The following GRIA4 variants were observed in gnomAD, a reference collection of about 807,000 sequenced individuals.
GRIA4 encodes the protein glutamate ionotropic receptor AMPA type subunit 4, also known as glutamate receptor 4.
A neutral mutation model predicts 104.0 loss-of-function variants in GRIA4; 34 were observed. The ratio of observed to expected loss-of-function variants is 0.33; its 90% confidence interval spans 0.25 to 0.44. The LOEUF is 0.44. Ranked by LOEUF, GRIA4 falls within the 20% of genes least tolerant of loss-of-function variation. The pLI, the probability that GRIA4 is intolerant of heterozygous loss-of-function variation, is 1.00. For synonymous variants in GRIA4, 386 were observed against 381.9 expected, an observed-to-expected ratio of 1.01 and a Z score of -0.13; for missense variants, 750 against 1,096.5, an observed-to-expected ratio of 0.68 and a Z score of 4.46.
At chr11:105,907,895 A>C (rs1947101435) in intron 9 of GRIA4, among the ~76,000 whole-genome samples, 2 of 152,146 alleles carry the variant, frequency 1.3e-5, no homozygotes, top group African/African-American at 4.8e-5. Context: ...TGCAGTAGAA[A>C]CCAAAATTCC....
At chr11:105,704,216 G>A (rs143660597) in intron 3 of GRIA4, among the ~76,000 whole-genome samples, 5 of 152,094 alleles carry the variant, frequency 3.3e-5, no homozygotes, top group African/African-American at 1.2e-4. Context: ...TTCAGTTGTG[G>A]GAAGTGCTAA....
Position 105,878,863 on chromosome 11 carries a change from G to C in GRIA4, c.673-8656G>C, listed in dbSNP as rs533610207. Among the ~76,000 whole-genome samples the C allele has an allele frequency of 8.5e-4, 129 of 152,294 alleles. 1 individual carries two copies. Among genetic ancestry groups the C allele is most frequent in the Admixed American group, 3.3e-3 (50 of 15,304 alleles). On this transcript the variant is annotated intron_variant, in intron 5 of 16. Transcript: ENST00000282499. ...GGGATCCACTGAGCTAGACAACTTGGCTCCCTGGCTTCAGCCCCCCTTTCC... is the reference window on the plus strand; with the variant it reads ...GGGATCCACTGAGCTAGACAACTTGCCTCCCTGGCTTCAGCCCCCCTTTCC...
chr11:105,929,379 G>C (rs1254057266), intron 13 of GRIA4, among the ~76,000 whole-genome samples: 1 of 152,072 alleles, frequency 6.6e-6, no homozygotes, highest in African/African-American at 2.4e-5. Flanking sequence ...AGCCACAGGG[G>C]AAAACTACAT....
chr11:105,733,996 T>C (rs1394278896), intron 3 of GRIA4, among the ~76,000 whole-genome samples: 4 of 147,402 alleles, frequency 2.7e-5, no homozygotes, highest in Non-Finnish European at 4.5e-5. Context: ...CATGAATACA[T>C]ATATATATTA....
intron 4 of GRIA4, among the ~76,000 whole-genome samples, chr11:105,771,641 G>A (rs1206911395): frequency 1.3e-5 from 2 of 151,980 alleles, no homozygotes; most frequent in Non-Finnish European, 2.9e-5. Flanking sequence ...AAGTAATTAG[G>A]AGTAAAAAGT....
At chr11:105,881,109 G>C (rs897583886) in intron 5 of GRIA4, among the ~76,000 whole-genome samples, 3 of 152,138 alleles carry the variant, frequency 2.0e-5, no homozygotes, top group African/African-American at 7.2e-5. Flanking sequence ...TGGGTGACAG[G>C]GGGTTAATTC....
intron 6 of GRIA4, among the ~76,000 whole-genome samples, chr11:105,890,771 C>A (rs1325782261): frequency 6.6e-6 from 1 of 152,206 alleles, no homozygotes; most frequent in Non-Finnish European, 1.5e-5. Context: ...ATTGAATGGG[C>A]ATGCCCCTCC....
intron 4 of GRIA4, among the ~76,000 whole-genome samples, chr11:105,786,060 G>A (rs911162162): frequency 6.9e-6 from 1 of 145,514 alleles, no homozygotes; most frequent in Admixed American, 7.2e-5. Flanking sequence ...CAGGGGAATC[G>A]CTTGACCCCG....
intron 4 of GRIA4, among the ~76,000 whole-genome samples, chr11:105,754,306 T>C (rs925271011): frequency 6.6e-6 from 1 of 152,202 alleles, no homozygotes; most frequent in African/African-American, 2.4e-5. Context: ...ATTTCTGTGG[T>C]ATTTCAGGTT....
At chr11:105,802,380 C>A (rs965573595) in intron 4 of GRIA4, among the ~76,000 whole-genome samples, 1 of 152,006 alleles carries the variant, frequency 6.6e-6, no homozygotes, top group African/African-American at 2.4e-5. Context: ...TAAGTACTCA[C>A]AATATGAAGA....
chr11:105,905,343 T>C (rs781046001), intron 9 of GRIA4, 42 bp downstream of exon 9: 9 of 1,063,302 alleles, frequency 8.5e-6, no homozygotes, highest in East Asian at 2.4e-5. Context: ...CTCTGTTTCT[T>C]AGTTTGTATG....
intron 4 of GRIA4, among the ~76,000 whole-genome samples, chr11:105,774,266 T>C (rs113906041): frequency 0.014 from 2,134 of 151,524 alleles, 65 homozygotes; most frequent in African/African-American, 0.048. Flanking sequence ...TATTTAAAAA[T>C]AATGAAAAGA....
intron 14 of GRIA4, among the ~76,000 whole-genome samples, chr11:105,970,752 A>G (rs1858643536): frequency 6.6e-6 from 1 of 152,202 alleles, no homozygotes; most frequent in Admixed American, 6.5e-5. Context: ...CAAAATGTCC[A>G]GAAGAATATG....
At chr11:105,643,084 G>A (rs994570471) in intron 3 of GRIA4, among the ~76,000 whole-genome samples, 1 of 152,008 alleles carries the variant, frequency 6.6e-6, no homozygotes, top group African/African-American at 2.4e-5. Flanking sequence ...AGTAGCATGG[G>A]GAAACCACTC....
chr11:105,850,462 T>A (rs1200520253), intron 4 of GRIA4, among the ~76,000 whole-genome samples: 2 of 152,154 alleles, frequency 1.3e-5, no homozygotes, highest in East Asian at 3.8e-4. Flanking sequence ...GGCAAGCATA[T>A]AGATAGATCT....
At chr11:105,937,171 T>G (rs950722677) in intron 14 of GRIA4, among the ~76,000 whole-genome samples, 6 of 152,158 alleles carry the variant, frequency 3.9e-5, no homozygotes, top group African/African-American at 1.4e-4. Context: ...AAAGATTGTT[T>G]TAAAATATAC....
chr11:105,809,268 G>T (rs1943076177), intron 4 of GRIA4, among the ~76,000 whole-genome samples: 1 of 152,080 alleles, frequency 6.6e-6, no homozygotes, highest in South Asian at 2.1e-4. Context: ...GGGTACATGT[G>T]ATACTTTGAT....
At chr11:105,612,499 C>T (rs1450073129) in intron 3 of GRIA4, 65 bp downstream of exon 3, 5 of 1,245,532 alleles carry the variant, frequency 4.0e-6, no homozygotes, top group South Asian at 1.5e-5. Flanking sequence ...AGTCCTCTTC[C>T]TCTTTGTTAT....
chr11:105,750,645 T>C (rs959846163), intron 3 of GRIA4, among the ~76,000 whole-genome samples: 2 of 152,158 alleles, frequency 1.3e-5, no homozygotes, highest in Non-Finnish European at 1.5e-5. Flanking sequence ...TGAAAAGTCA[T>C]AATGATTACA....
Sources: gnomAD v4.1 joint callset for allele counts (sites outside exome capture counted in the v4.1 genomes callset) on GRCh38, gnomAD v4.1.1 for gene constraint, MANE v1.5 for transcripts, NCBI Gene and HGNC (gene_info 2026-07-23, HGNC 2026-07-21) for gene names.